Variants in SCGB1D4 observed in about 807,000 individuals in gnomAD.
SCGB1D4 encodes IFN-gamma inducible SCGB (IIS).
In SCGB1D4, 6 loss-of-function variants were observed where a neutral mutation model predicts 8.1. The ratio of observed to expected loss-of-function variants is 0.74; its 90% CI spans 0.40 to 1.45. The LOEUF (loss-of-function observed/expected upper bound fraction) is 1.45, where lower values mean the gene tolerates loss of function less well. Ranked by LOEUF, SCGB1D4 falls within the 40% of genes most tolerant of loss-of-function variation. The pLI is 0.02. For missense variants in SCGB1D4, 93 were observed against 95.0 expected (o/e 0.98, Z 0.09); for synonymous variants, 34 against 38.1 (o/e 0.89, Z 0.39).
intron 2 of SCGB1D4, 135 bp from the exon 3 acceptor site, chr11:62,296,554 G>C: frequency 1.1e-6 from 1 of 879,268 alleles, no homozygotes; most frequent in Non-Finnish European, 1.8e-6. Context: ...CAAGAATTCA[G>C]TTTGGGAAAC....
chr11:62,297,297 G>A (rs1484358148), intron 2 of SCGB1D4, among the ~76,000 whole-genome samples, 175 bp downstream of exon 2: 5 of 152,210 alleles, frequency 3.3e-5, no homozygotes, highest in Admixed American at 6.5e-5. Flanking sequence ...GATCCCAGCA[G>A]GGAGGCGGCC....
At chr11:62,297,778 T>C in intron 1 of SCGB1D4, 120 bp from the exon 2 acceptor site, 1 of 752,588 alleles carries the variant, frequency 1.3e-6, no homozygotes, top group South Asian at 1.9e-5. Context: ...ATTATTGTGC[T>C]GATGACAATA....
chr11:62,298,685 G>A (rs1448487819), intron 1 of SCGB1D4, among the ~76,000 whole-genome samples: 4 of 150,232 alleles, frequency 2.7e-5, no homozygotes, highest in Non-Finnish European at 4.4e-5. Flanking sequence ...CTTGAACCCC[G>A]GAGGCAGAGG....
chr11:62,297,486 T>C lies in SCGB1D4; in HGVS notation c.228A>G (p.Ser76=). The C allele has an allele frequency of 6.2e-7, 1 of 1,610,720 alleles. No individual in the cohort carries two copies. Among genetic ancestry groups the C allele is most frequent in the Non-Finnish European group, 8.5e-7 (1 of 1,178,244 alleles). Residue 76 remains serine, a synonymous_variant, in exon 2 of 3, where the codon TCA becomes TCG. Coordinates refer to ENST00000358585, the MANE Select transcript of SCGB1D4 (RefSeq NM_206998.2). ...TDQISFKKRL[S]LKKSWWK is the part of the protein sequence containing the mutation. Reference sequence around the variant, plus strand: ...AAAGAAATTACCAGGACTTTTTCAATGAGAGTCGTTTCTTAAAAGATATCT... The same window carrying C: ...AAAGAAATTACCAGGACTTTTTCAACGAGAGTCGTTTCTTAAAAGATATCT...
Position 62,296,419 on chromosome 11 carries a change from C to T in SCGB1D4, c.243G>A (p.Trp81Ter), listed in dbSNP as rs758695089. Residue 81 changes from tryptophan to a stop codon, truncating the protein, a stop_gained and splice_region_variant, in exon 3 of 3, where the codon TGG (tryptophan) becomes TGA (stop). Transcript: ENST00000358585. LOFTEE classifies it high-confidence loss of function. ...ACACCACATTTTTTCACTATTTCCACCTGAAATCAAAAAAAAGAAAGAAAG... is the reference window on the plus strand; with the variant it reads ...ACACCACATTTTTTCACTATTTCCATCTGAAATCAAAAAAAAGAAAGAAAG... ...FKKRLSLKKSWWK is the reference protein window; with the variant it reads ...FKKRLSLKKS The T allele has an allele frequency of 6.3e-7, 1 of 1,599,826 alleles. No homozygotes were observed. Among genetic ancestry groups the T allele is most frequent in the Admixed American group, 1.7e-5 (1 of 58,642 alleles).
In SCGB1D4 at chr11:62,297,602, T is replaced by C. The variant is rs1362617758; in HGVS notation, c.112A>G (p.Ser38Gly). 1.2e-6 allele frequency: 2 copies of C among 1,613,840 alleles called. No homozygotes were observed. Among genetic ancestry groups the C allele is most frequent in the Non-Finnish European group, 1.7e-6 (2 of 1,179,944 alleles). Residue 38 changes from serine to glycine, a missense_variant, in exon 2 of 3, where the codon AGT becomes GGT. By Grantham distance (56) the Ser-to-Gly change is moderately conservative. Coordinates refer to ENST00000358585, the MANE Select transcript of SCGB1D4 (RefSeq NM_206998.2). Reference sequence around the variant, plus strand: ...ACTTGGAGGTTTACCGCAGCGTCACTTAAGAATAAGAAGACTGTGATCTCA... The same window carrying C: ...ACTTGGAGGTTTACCGCAGCGTCACCTAAGAATAAGAAGACTGTGATCTCA... ...ASEITVFLFL[S>G]DAAVNLQVAK...
At chr11:62,297,112 G>A (rs369399677) in intron 2 of SCGB1D4, among the ~76,000 whole-genome samples, 107 of 152,310 alleles carry the variant, frequency 7.0e-4, no homozygotes, top group East Asian at 6.4e-3. Flanking sequence ...GGAGCTGCAA[G>A]GGGCTCCTGG....
rs750955390 is a variant in SCGB1D4, at chr11:62,297,555, T to C, written c.159A>G (p.Pro53=). The change falls in exon 2 of 3, where the codon CCA becomes CCG. Residue 53 remains proline (P), a synonymous_variant. Transcript: ENST00000358585. The part of the protein sequence containing the change: ...NLQVAKLNPP[P]EALAAKLEVK... ...CTTCCAACTTGGCTGCAAGAGCTTC[T>C]GGAGGTGGATTAAGTTTGGCAACTT... The C allele has an allele frequency of 1.2e-6, 2 of 1,614,142 alleles. No homozygotes were observed. The highest frequency in any genetic ancestry group is 1.7e-6 in the Non-Finnish European group (2 of 1,179,962).
intron 1 of SCGB1D4, among the ~76,000 whole-genome samples, chr11:62,298,085 G>C (rs10459037): frequency 7.8e-6 from 1 of 128,754 alleles, no homozygotes; most frequent in Non-Finnish European, 1.7e-5. Flanking sequence ...ATGGGGTTTC[G>C]CCATGTTGCC....
chr11:62,297,643 C>A lies in SCGB1D4; in HGVS notation c.71G>T (p.Cys24Phe), dbSNP rs1945453707. Residue 24 changes from cysteine (C) to phenylalanine (F), a missense_variant, in exon 2 of 3, where the codon TGC becomes TTC. Coordinates refer to ENST00000358585, the MANE Select transcript of SCGB1D4 (RefSeq NM_206998.2). ...TGTGATCTCAGAAGCAACAGCTGGG[C>A]AGACAAGAGCATGGGCTGCAGCACA... ...LCCYQAHALV[C>F]PAVASEITVF... 3 of 1,612,536 alleles carry A rather than the reference C, an allele frequency of 1.9e-6. No homozygotes were observed. The highest frequency in any genetic ancestry group is 3.3e-5 in the Admixed American group (2 of 59,710).
intron 2 of SCGB1D4, 149 bp downstream of exon 2, chr11:62,297,323 C>T (rs1048974456): frequency 4.3e-6 from 3 of 690,438 alleles, no homozygotes; most frequent in African/African-American, 3.6e-5. Context: ...TGGCCCTTCA[C>T]CATCCCTGCC....
At chr11:62,297,851 A>T (rs1945455361) in intron 1 of SCGB1D4, among the ~76,000 whole-genome samples, 193 bp from the exon 2 acceptor site, 1 of 151,934 alleles carries the variant, frequency 6.6e-6, no homozygotes, top group Non-Finnish European at 1.5e-5. Context: ...TCATATCCTC[A>T]GCTAGACTTC....
At chr11:62,298,827 C>A in intron 1 of SCGB1D4, 129 bp downstream of exon 1, 3 of 630,710 alleles carry the variant, frequency 4.8e-6, no homozygotes, top group Non-Finnish European at 5.1e-6. Flanking sequence ...ATTCAACAAG[C>A]ACAGAAAAGG....
chr11:62,296,539 A>G lies in SCGB1D4; in HGVS notation c.243-120T>C, dbSNP rs896608002. On this transcript the variant is annotated intron_variant, in intron 2 of 2. Coordinates refer to ENST00000358585, the MANE Select transcript of SCGB1D4 (RefSeq NM_206998.2). ...TTGCCCCAATGGCAATTGGAAAGGC[A>G]GAGGCAAGAATTCAGTTTGGGAAAC... The G allele has an allele frequency of 2.4e-5, 24 of 987,938 alleles. No individual in the cohort carries two copies. In the African/African-American group the frequency reaches 3.7e-4, roughly 15 times the overall value. 61.2% of individuals were successfully genotyped at this position (987,938 alleles called of 1,614,324 possible).
rs766301846 is a variant in SCGB1D4 at position 62,297,559 on chromosome 11, G to A, written c.155C>T (p.Pro52Leu). 6.2e-7 allele frequency: 1 copy of A among 1,614,090 alleles called. No homozygotes were observed. Among genetic ancestry groups the A allele is most frequent in the Non-Finnish European group, 8.5e-7 (1 of 1,179,912 alleles). ...CAACTTGGCTGCAAGAGCTTCTGGA[G>A]GTGGATTAAGTTTGGCAACTTGGAG... Reference protein sequence around the residue: ...VNLQVAKLNPPPEALAAKLEV... With the variant: ...VNLQVAKLNPLPEALAAKLEV... The change falls in exon 2 of 3, where the codon CCT (proline) becomes CTT (leucine). Residue 52 changes from proline to leucine, a missense_variant. Pro to Leu is a moderately conservative substitution (Grantham distance 98, BLOSUM62 -3). Coordinates refer to ENST00000358585, the MANE Select transcript of SCGB1D4 (RefSeq NM_206998.2).
intron 1 of SCGB1D4, among the ~76,000 whole-genome samples, 162 bp from the exon 2 acceptor site, chr11:62,297,820 C>T (rs976825881): frequency 1.3e-4 from 20 of 152,024 alleles, no homozygotes; most frequent in Non-Finnish European, 2.4e-4. Context: ...TTCTCCGGGT[C>T]ACACAACAAA....
At chr11:62,296,993 G>C (rs1242551125) in intron 2 of SCGB1D4, among the ~76,000 whole-genome samples, 1 of 152,230 alleles carries the variant, frequency 6.6e-6, no homozygotes, top group East Asian at 1.9e-4. Flanking sequence ...GACATAGTGA[G>C]AACATCCCAC....
chr11:62,296,399 A>G lies in SCGB1D4; in HGVS notation c.*11T>C. 1 of 1,612,364 alleles carries G rather than the reference A, an allele frequency of 6.2e-7. No individual in the cohort carries two copies. Among genetic ancestry groups the G allele is most frequent in the Non-Finnish European group, 8.5e-7 (1 of 1,178,916 alleles). ...TGAGCATTTTTACATGTCACACACC[A>G]CATTTTTTCACTATTTCCACCTGAA... On this transcript the variant is annotated 3_prime_UTR_variant, in exon 3 of 3. Transcript: ENST00000358585.
At chr11:62,298,051 G>GT (rs1361618055) in intron 1 of SCGB1D4, among the ~76,000 whole-genome samples, 3,558 of 108,468 alleles carry the variant, frequency 0.033, 420 homozygotes, top group East Asian at 0.11. Flanking sequence ...TGTGTGTTTT[G>GT]TTTTGTTTTT....
Sources: gnomAD v4.1 joint callset for allele counts (sites outside exome capture counted in the v4.1 genomes callset) on GRCh38, gnomAD v4.1.1 for gene constraint, MANE v1.5 for transcripts, NCBI Gene and HGNC (gene_info 2026-07-23, HGNC 2026-07-21) for gene names.